The following GNAZ variants were observed in gnomAD, a reference collection of about 807,000 sequenced individuals.
GNAZ encodes the protein guanine nucleotide-binding protein G(z) subunit alpha.
In GNAZ, 3 loss-of-function variants were observed where a neutral mutation model predicts 25.4. The observed-to-expected ratio is 0.12, with a 90% CI of 0.05 to 0.30. The LOEUF is 0.30. Among genes scored for constraint, GNAZ ranks in the 10% least tolerant of loss-of-function variants. The pLI is 1.00. For missense variants in GNAZ, 241 were observed against 501.8 expected (o/e 0.48, Z 4.97); for synonymous variants, 211 against 205.7 (o/e 1.03, Z -0.22).
At chr22:23,102,137 C>T (rs1226849433) in intron 2 of GNAZ, among the ~76,000 whole-genome samples, 2 of 152,248 alleles carry the variant, frequency 1.3e-5, no homozygotes. Flanking sequence ...GTTCCCTTGC[C>T]TCATTGCCCA....
chr22:23,112,192 A>G (rs2069676071), intron 2 of GNAZ, among the ~76,000 whole-genome samples: 1 of 152,178 alleles, frequency 6.6e-6, no homozygotes, highest in South Asian at 2.1e-4. Context: ...GCACCAAGAA[A>G]GAGGTTCCCA....
intron 2 of GNAZ, among the ~76,000 whole-genome samples, chr22:23,099,769 G>A (rs1281420061): frequency 6.6e-6 from 1 of 152,220 alleles, no homozygotes; most frequent in Non-Finnish European, 1.5e-5. Context: ...CCCTAGGAGG[G>A]AAAGGCAAAG....
Position 23,071,881 on chromosome 22 carries a change from G to A in GNAZ, c.-450+1311G>A, listed in dbSNP as rs1322060714. On this transcript the variant is annotated intron_variant, in intron 1 of 2. Transcript: ENST00000615612. This position sits in a 1 kb window ranked among gnomAD's most constrained non-coding sequence, Gnocchi z 4.1. ...ACTTGGGCAGTTAGGTCTGATGGGA[G>A]CACTTAGCATGCCTGGGGAGTAGGA... 6.6e-6 allele frequency among the ~76,000 whole-genome samples: 1 copy of A among 152,220 alleles called. No homozygotes were observed. The highest frequency in any genetic ancestry group is 1.9e-4 in the East Asian group (1 of 5,200).
At chr22:23,094,691 C>T (rs1214017057) in intron 1 of GNAZ, among the ~76,000 whole-genome samples, 1 of 152,254 alleles carries the variant, frequency 6.6e-6, no homozygotes, top group African/African-American at 2.4e-5. Context: ...TATCTGCTGG[C>T]TCCTGGGCTG....
rs2068706524 is a variant in GNAZ at position 23,082,358 on chromosome 22, C to T, written c.-450+11788C>T. Among the ~76,000 whole-genome samples the T allele has an allele frequency of 2.0e-5, 3 of 149,010 alleles. No individual in the cohort carries two copies. The Admixed American group carries it at 2.0e-4, about 10-fold the overall frequency. On this transcript the variant is annotated intron_variant, in intron 1 of 2. Transcript: ENST00000615612. ...TCGAAAGTAGCTGGGATTACAGGCG[C>T]ACACCACCACACCTGGCTATTTTTT...
chr22:23,095,801 C>T lies in GNAZ; in HGVS notation c.106C>T (p.Leu36=), dbSNP rs374658683. The stretch of plus-strand genomic sequence containing the variant: ...CCAGCGGCAACGCCGCGAAATCAAG[C>T]TGCTCCTGCTGGGCACCAGCAACTC... The part of the protein sequence containing the change: ...ESQRQRREIK[L]LLLGTSNSGK... The change falls in exon 2 of 3, where the codon CTG becomes TTG. Residue 36 remains leucine (L), a synonymous_variant. Coordinates refer to ENST00000615612, the MANE Select transcript of GNAZ (RefSeq NM_002073.4). 11 of 1,613,298 alleles carry T rather than the reference C, an allele frequency of 6.8e-6. No homozygotes were observed. Among genetic ancestry groups the T allele is most frequent in the Admixed American group, 3.3e-5 (2 of 60,008 alleles).
At chr22:23,107,449 A>G (rs1313208147) in intron 2 of GNAZ, among the ~76,000 whole-genome samples, 1 of 152,168 alleles carries the variant, frequency 6.6e-6, no homozygotes, top group Non-Finnish European at 1.5e-5. Flanking sequence ...CGAGGGCCTC[A>G]TGAAAACCCA....
chr22:23,099,215 C>T (rs1295403476), intron 2 of GNAZ, among the ~76,000 whole-genome samples: 4 of 152,260 alleles, frequency 2.6e-5, no homozygotes, highest in African/African-American at 7.2e-5. Flanking sequence ...TCTGGGCTCC[C>T]GGGTGTGAGG....
At chr22:23,078,806 G>A (rs2068584227) in intron 1 of GNAZ, among the ~76,000 whole-genome samples, 2 of 152,218 alleles carry the variant, frequency 1.3e-5, no homozygotes, top group South Asian at 4.1e-4. Context: ...GGTAGCAACA[G>A]AAGCCCAGCC....
In GNAZ at chr22:23,123,231, G is replaced by C. The variant is rs148799264; in HGVS notation, c.868G>C (p.Glu290Gln). ...RRIPLTICFP[E>Q]YKGQNTYEEA... is the part of the protein sequence containing the mutation. ...CATCCCGCTCACCATCTGCTTTCCC[G>C]AGTACAAGGGCCAGAACACGTACGA... The change falls in exon 3 of 3, where the codon GAG becomes CAG. Residue 290 changes from glutamate (E) to glutamine (Q), a missense_variant. Coordinates refer to ENST00000615612, the MANE Select transcript of GNAZ (RefSeq NM_002073.4). 1 of 1,614,132 alleles carries C rather than the reference G, an allele frequency of 6.2e-7. No homozygotes were observed. Among genetic ancestry groups the C allele is most frequent in the Non-Finnish European group, 8.5e-7 (1 of 1,180,040 alleles).
At chr22:23,098,190 G>A (rs1012951071) in intron 2 of GNAZ, among the ~76,000 whole-genome samples, 1 of 152,238 alleles carries the variant, frequency 6.6e-6, no homozygotes, top group Admixed American at 6.5e-5. Context: ...TCTAGCCGTG[G>A]TCAGCTTGTT....
In GNAZ at chr22:23,123,401, G is replaced by A. The variant is rs993117548; in HGVS notation, c.1038G>A (p.Gln346=). The A allele has an allele frequency of 3.1e-6, 5 of 1,613,722 alleles. No homozygotes were observed. The highest frequency in any genetic ancestry group is 1.7e-5 in the Admixed American group (1 of 60,000). The change falls in exon 3 of 3, where the codon CAG becomes CAA. Residue 346 remains glutamine, a synonymous_variant. Transcript: ENST00000615612. The stretch of plus-strand genomic sequence containing the variant: ...ACGCGGTGACAGACGTCATCATACA[G>A]AACAATCTCAAGTACATTGGCCTTT... ...VFDAVTDVII[Q]NNLKYIGLC
At chr22:23,088,371 G>A (rs2068873105) in intron 1 of GNAZ, among the ~76,000 whole-genome samples, 2 of 152,188 alleles carry the variant, frequency 1.3e-5, no homozygotes, top group South Asian at 4.1e-4. Flanking sequence ...GTGGTCACAG[G>A]CATCAGTGAG....
At chr22:23,104,260 T>C (rs2330337) in intron 2 of GNAZ, among the ~76,000 whole-genome samples, 1 of 152,116 alleles carries the variant, frequency 6.6e-6, no homozygotes, top group Admixed American at 6.5e-5. Context: ...GCAGGCACAG[T>C]GTCCAGTCCC....
rs1314101762 is a variant in GNAZ, at chr22:23,095,573, C to G, written c.-123C>G. 1.8e-6 allele frequency: 2 copies of G among 1,100,456 alleles called. No individual in the cohort carries two copies. The highest frequency in any genetic ancestry group is 2.6e-6 in the Non-Finnish European group (2 of 781,460). 68.2% of individuals were successfully genotyped at this position (1,100,456 alleles called of 1,614,324 possible). The stretch of plus-strand genomic sequence containing the variant: ...TGCAGTGTGGCTCGGCCTCACCCCC[C>G]TGCTGGCACTGAGTGCCTCCAGGGC... On this transcript the variant is annotated 5_prime_UTR_variant, in exon 2 of 3. Coordinates refer to ENST00000615612, the MANE Select transcript of GNAZ (RefSeq NM_002073.4).
At chr22:23,077,194 A>C (rs1421283555) in intron 1 of GNAZ, among the ~76,000 whole-genome samples, 2 of 151,694 alleles carry the variant, frequency 1.3e-5, no homozygotes, top group African/African-American at 4.9e-5. Context: ...GCTTTAACCC[A>C]CCCTATCTCT....
At chr22:23,077,781 T>G (rs952983478) in intron 1 of GNAZ, among the ~76,000 whole-genome samples, 1 of 152,160 alleles carries the variant, frequency 6.6e-6, no homozygotes, top group African/African-American at 2.4e-5. Flanking sequence ...CTGAAGACCC[T>G]TCTGACTATG....
chr22:23,076,208 AT>A (rs561371024), intron 1 of GNAZ, among the ~76,000 whole-genome samples: 1 of 151,892 alleles, frequency 6.6e-6, no homozygotes, highest in East Asian at 1.9e-4. Flanking sequence ...TCCTGCTGCT[AT>A]TTTTTTCCCC....
At chr22:23,110,936 G>C (rs1267633240) in intron 2 of GNAZ, among the ~76,000 whole-genome samples, 1 of 152,224 alleles carries the variant, frequency 6.6e-6, no homozygotes, top group East Asian at 1.9e-4. Flanking sequence ...CATGTTGTCT[G>C]TCCTCTTGTC....
Sources: allele counts gnomAD v4.1 joint callset (sites outside exome capture counted in the v4.1 genomes callset), GRCh38; gene constraint gnomAD v4.1.1; non-coding constraint Gnocchi (gnomAD v3.1); transcripts MANE v1.5; gene names NCBI Gene and HGNC (gene_info 2026-07-23, HGNC 2026-07-21).